PZP: variants seen among roughly 807,000 people sequenced by gnomAD.
PZP encodes pregnancy zone protein.
Under a neutral mutation model 179.8 loss-of-function variants are expected in PZP, and 150 were observed. That is an observed-to-expected ratio of 0.83 (90% CI 0.73 to 0.96). The LOEUF (loss-of-function observed/expected upper bound fraction) is 0.96. Among genes scored for constraint, PZP ranks in the 40% least tolerant of loss-of-function variants. PZP has a pLI of 0.00. For synonymous variants in PZP, 624 were observed against 652.3 expected (o/e 0.96, Z 0.66); for missense variants, 1,689 against 1,764.0 (o/e 0.96, Z 0.76).
chr12:9,149,648 C>T (rs1284864612), intron 34 of PZP, 46 bp from the exon 35 acceptor site: 1 of 1,586,602 alleles, frequency 6.3e-7, no homozygotes. Context: ...GATCTATGAA[C>T]TAGGGACCAT....
intron 18 of PZP, 87 bp from the exon 19 acceptor site, chr12:9,165,454 C>G: frequency 6.9e-7 from 1 of 1,445,750 alleles, no homozygotes; most frequent in Admixed American, 1.8e-5. Flanking sequence ...AAGCTAACGT[C>G]AAGAACTGAA....
At position 9,164,260 on chromosome 12, in the gene PZP, CT is replaced by C; in HGVS notation, c.2488-2del. 1 of 1,612,524 alleles carries C rather than the reference CT, an allele frequency of 6.2e-7. No homozygotes were observed. Among genetic ancestry groups the C allele is most frequent in the Non-Finnish European group, 8.5e-7 (1 of 1,178,930 alleles). The stretch of plus-strand genomic sequence containing the variant: ...GAGAGGCTTTCAGCTGCACACTGAC[CT>C]ATCACCCCATGTGAGGCAGAGACAG... On this transcript the variant is annotated splice_acceptor_variant, in intron 19 of 35. Coordinates refer to ENST00000261336, the MANE Select transcript of PZP (RefSeq NM_002864.3). LOFTEE classifies it high-confidence loss of function.
At chr12:9,158,638 T>G in intron 25 of PZP, 62 bp from the exon 26 acceptor site, 1 of 1,534,562 alleles carries the variant, frequency 6.5e-7, no homozygotes, top group Non-Finnish European at 8.9e-7. Context: ...TGCTCTGTTT[T>G]GTACACACAG....
the PZP span, among the ~76,000 whole-genome samples, chr12:9,143,449 T>TC: frequency 1.3e-5 from 2 of 151,940 alleles, no homozygotes; most frequent in African/African-American, 4.8e-5. Context: ...AGGGCATTCA[T>TC]CTGTAGGGTC....
At position 9,170,558 on chromosome 12, in the gene PZP, G is replaced by A. The variant is rs1302550008; in HGVS notation, c.1840-967C>T. ...CACTGTCTTGGAATCTCAGCCAGCC[G>A]ACGGCAGTGGGTTGGAGTCCACCTG... On this transcript the variant is annotated intron_variant, in intron 15 of 35. Coordinates refer to ENST00000261336, the MANE Select transcript of PZP (RefSeq NM_002864.3). The surrounding 1 kb of genome is among the most constrained non-coding windows in gnomAD (Gnocchi z 4.6). Among the ~76,000 whole-genome samples the A allele has an allele frequency of 3.9e-5, 6 of 152,176 alleles. No individual in the cohort carries two copies. Among genetic ancestry groups the A allele is most frequent in the South Asian group, 2.1e-4 (1 of 4,826 alleles).
At chr12:9,162,773 C>A (rs1941301398) in intron 21 of PZP, 125 bp from the exon 22 acceptor site, 1 of 808,468 alleles carries the variant, frequency 1.2e-6, no homozygotes, top group Non-Finnish European at 2.0e-6. Context: ...CTCTTTTTTT[C>A]CCAACTTTTG....
At chr12:9,151,715 T>A (rs1042029737) in intron 32 of PZP, 43 bp from the exon 33 acceptor site, 2 of 1,504,826 alleles carry the variant, frequency 1.3e-6, no homozygotes, top group Middle Eastern at 1.7e-4. Flanking sequence ...AGAGAACAGA[T>A]GTGAGAATGG....
intron 25 of PZP, among the ~76,000 whole-genome samples, 181 bp from the exon 26 acceptor site, chr12:9,158,757 C>CTT (rs60888135): frequency 2.4e-5 from 3 of 125,432 alleles, no homozygotes; most frequent in Admixed American, 8.7e-5. Flanking sequence ...CTTTTCTTTT[C>CTT]TTTTTTTTTT....
At chr12:9,198,472 A>T (rs934674208) in intron 7 of PZP, among the ~76,000 whole-genome samples, 11 of 152,202 alleles carry the variant, frequency 7.2e-5, no homozygotes, top group African/African-American at 2.7e-4. Flanking sequence ...GAATAAAAAT[A>T]AGTACATAAT....
In PZP at chr12:9,157,772, C is replaced by T. The variant is rs773392869; in HGVS notation, c.3364G>A (p.Val1122Ile). ...TIALLEIPLP[V>I]TNPIVRNALF... is the part of the protein sequence containing the mutation. ...GGGATTGAGCTGGTACCTACAGTGA[C>T]TGGGAGAGGAATTTCCAGAAGGGCA... The change falls in exon 27 of 36, where the codon GTC (valine) becomes ATC (isoleucine). Residue 1122 changes from valine to isoleucine, a missense_variant. Physicochemically the swap from Val to Ile is conservative, Grantham distance 29 (BLOSUM62 3). Around this residue, in one of 3 missense-constraint regions of PZP, gnomAD observed 746 missense variants for 749.2 expected, o/e 1.00. Coordinates refer to ENST00000261336, the MANE Select transcript of PZP (RefSeq NM_002864.3). 114 of 1,613,690 alleles carry T rather than the reference C, an allele frequency of 7.1e-5. 1 individual carries two copies. In the South Asian group the frequency reaches 8.3e-4, roughly 12 times the overall value.
rs755668644 is a variant in PZP, at chr12:9,180,497, A to C, written c.1839+486T>G. 2.8e-4 allele frequency among the ~76,000 whole-genome samples: 42 copies of C among 152,352 alleles called. No homozygotes were observed. In the South Asian group the frequency reaches 4.8e-3, roughly 17 times the overall value. ...ACAGAGCCCTCAGAAATAACTCTGC[A>C]TATCTACAACTATCTGATCTTCGAC... is the stretch of plus-strand genomic sequence containing the variant. On this transcript the variant is annotated intron_variant, in intron 15 of 35. Transcript: ENST00000261336.
intron 7 of PZP, 36 bp from the exon 8 acceptor site, chr12:9,197,159 G>T (rs1943826297): frequency 7.1e-7 from 1 of 1,417,958 alleles, no homozygotes; most frequent in Non-Finnish European, 9.9e-7. Context: ...ATTGAGAATG[G>T]CTGTTTGCAT....
intron 28 of PZP, 31 bp downstream of exon 28, chr12:9,157,144 T>C (rs1592449678): frequency 1.4e-5 from 22 of 1,595,488 alleles, no homozygotes; most frequent in Non-Finnish European, 1.9e-5. Context: ...TGTGTTCTCA[T>C]TGTTCAGCTC....
intron 31 of PZP, 62 bp downstream of exon 31, chr12:9,152,762 A>G: frequency 6.5e-7 from 1 of 1,548,118 alleles, no homozygotes. Flanking sequence ...TGGACTATTA[A>G]TTTCTGTTAA....
intron 10 of PZP, among the ~76,000 whole-genome samples, chr12:9,196,092 A>G (rs746622930): frequency 6.6e-6 from 1 of 152,180 alleles, no homozygotes; most frequent in Non-Finnish European, 1.5e-5. Context: ...GTCACATTAC[A>G]TTAAGTATCT....
At position 9,162,646 on chromosome 12, in the gene PZP, AGCCT is replaced by A. The variant is rs1941288678; in HGVS notation, c.2737-2_2738del. The A allele has an allele frequency of 6.3e-7, 1 of 1,590,736 alleles. No individual in the cohort carries two copies. Among genetic ancestry groups the A allele is most frequent in the Admixed American group, 1.7e-5 (1 of 59,730 alleles). On this transcript the variant is annotated splice_acceptor_variant and coding_sequence_variant, in exon 22 of 36. Transcript: ENST00000261336. LOFTEE classifies it high-confidence loss of function. ...AAGTCTTTTCTTGCTCAATACCTTC[AGCCT>A]TGGATGAAAGGAAAGAAAAGGAGAA...
chr12:9,179,441 T>A (rs1484186846), intron 15 of PZP, among the ~76,000 whole-genome samples: 1 of 152,190 alleles, frequency 6.6e-6, no homozygotes, highest in Non-Finnish European at 1.5e-5. Context: ...ATGCCAAGTG[T>A]CACCCCCATG....
Position 9,158,424 on chromosome 12 carries a change from A to G in PZP, c.3290T>C (p.Ile1097Thr), listed in dbSNP as rs771067297. 5 of 1,614,068 alleles carry G rather than the reference A, an allele frequency of 3.1e-6. No homozygotes were observed. In the South Asian group the frequency reaches 4.4e-5, roughly 14 times the overall value. The part of the protein sequence containing the change: ...RSSGSLLNNA[I>T]KGGVEDEATL... ...GAAGTTTGTGGAACAGTTCACCTTT[A>G]TGGCATTGTTGAGCAGTGACCCAGA... Residue 1097 changes from isoleucine (I) to threonine (T), a missense_variant, in exon 26 of 36, where the codon ATA becomes ACA. This residue lies in a region of PZP where 746 missense variants were observed against 749.2 expected (regional missense o/e 1.00). Transcript: ENST00000261336.
intron 13 of PZP, among the ~76,000 whole-genome samples, chr12:9,191,818 C>A (rs1233453446): frequency 6.6e-6 from 1 of 152,116 alleles, no homozygotes; most frequent in East Asian, 1.9e-4. Context: ...CACCTTTCTT[C>A]CTTCCCATTT....
Sources: allele counts gnomAD v4.1 joint callset (sites outside exome capture counted in the v4.1 genomes callset), GRCh38; gene constraint gnomAD v4.1.1; regional missense constraint gnomAD v4.1.1; non-coding constraint Gnocchi (gnomAD v3.1); transcripts MANE v1.5; gene names NCBI Gene and HGNC (gene_info 2026-07-23, HGNC 2026-07-21).